The following FAM135B variants were observed in gnomAD, a reference collection of about 807,000 sequenced individuals.
FAM135B encodes the protein family with sequence similarity 135 member B, also known as protein FAM135B.
In FAM135B, 43 loss-of-function variants were observed where a neutral mutation model predicts 127.7. The ratio of observed to expected loss-of-function variants is 0.34; its 90% CI spans 0.26 to 0.43. The LOEUF (loss-of-function observed/expected upper bound fraction) is 0.43, where lower values mean the gene tolerates loss of function less well. Among genes scored for constraint, FAM135B ranks in the 20% least tolerant of loss-of-function variants. The probability of loss-of-function intolerance (pLI) is 1.00; values close to 1 mark genes in which losing one functional copy is unlikely to be tolerated. For missense variants in FAM135B, 1,558 were observed against 1,725.6 expected, an observed-to-expected ratio of 0.90 and a Z score of 1.72; for synonymous variants, 670 against 665.1, an observed-to-expected ratio of 1.01 and a Z score of -0.11.
chr8:138,293,397 AG>A (rs1173045748), intron 3 of FAM135B, among the ~76,000 whole-genome samples: 1 of 152,214 alleles, frequency 6.6e-6, no homozygotes, highest in African/African-American at 2.4e-5. Context: ...AAAGATAAAT[AG>A]ATGAGTCCTA....
Position 138,152,337 on chromosome 8 carries a change from A to G in FAM135B, c.2138T>C (p.Val713Ala). The part of the protein sequence containing the change: ...RALELPSDRE[V>A]LHPFVRRHAL... ...ATGTCTTCGAACAAACGGGTGCAAG[A>G]CTTCCCGATCACTGGGCAACTCCAG... is the stretch of plus-strand genomic sequence containing the variant. Residue 713 changes from valine to alanine, a missense_variant, in exon 13 of 20, where the codon GTC becomes GCC. By Grantham distance (64) the Val-to-Ala change is moderately conservative. Coordinates refer to ENST00000395297, the MANE Select transcript of FAM135B (RefSeq NM_015912.4). The G allele has an allele frequency of 6.2e-7, 1 of 1,614,040 alleles. No homozygotes were observed. Among genetic ancestry groups the G allele is most frequent in the Non-Finnish European group, 8.5e-7 (1 of 1,180,000 alleles).
chr8:138,324,461 G>C (rs575171502), intron 2 of FAM135B, among the ~76,000 whole-genome samples: 1 of 152,236 alleles, frequency 6.6e-6, no homozygotes, highest in South Asian at 2.1e-4. Context: ...AATCTTAAAA[G>C]TCCAAACAAA....
chr8:138,427,106 C>A (rs540764812), intron 1 of FAM135B, among the ~76,000 whole-genome samples: 1 of 151,884 alleles, frequency 6.6e-6, no homozygotes, highest in Non-Finnish European at 1.5e-5. Flanking sequence ...CAAAACTAAC[C>A]TATGGTGTTA....
At chr8:138,437,148 C>G (rs926753201) in intron 1 of FAM135B, 7 of 152,110 alleles carry the variant, frequency 4.6e-5, no homozygotes, top group Non-Finnish European at 8.8e-5. Context: ...TTATATTCCT[C>G]AGGGGTTTAG....
chr8:138,484,861 T>C (rs189149685), intron 1 of FAM135B, among the ~76,000 whole-genome samples: 28 of 152,330 alleles, frequency 1.8e-4, no homozygotes, highest in Non-Finnish European at 2.9e-4. Context: ...CCAAGCTTGA[T>C]GAATTCTACC....
At chr8:138,299,060 A>AAATT in intron 3 of FAM135B, among the ~76,000 whole-genome samples, 1 of 136,160 alleles carries the variant, frequency 7.3e-6, no homozygotes, top group African/African-American at 2.7e-5. Flanking sequence ...ATTCAGTCTC[A>AAATT]AAATAAATAA....
chr8:138,228,631 C>T (rs557568842), intron 7 of FAM135B, among the ~76,000 whole-genome samples: 8 of 152,194 alleles, frequency 5.3e-5, no homozygotes, highest in African/African-American at 1.4e-4. Flanking sequence ...TCCCCTGAGC[C>T]GGCTTACTGG....
chr8:138,327,924 G>C (rs1827917032), intron 2 of FAM135B, among the ~76,000 whole-genome samples: 1 of 152,088 alleles, frequency 6.6e-6, no homozygotes, highest in Non-Finnish European at 1.5e-5. Context: ...ATATGAGAGA[G>C]ACTTCATATT....
intron 2 of FAM135B, among the ~76,000 whole-genome samples, chr8:138,353,755 A>T (rs1053940958): frequency 6.7e-6 from 1 of 150,110 alleles, no homozygotes; most frequent in Non-Finnish European, 1.5e-5. Context: ...TACAGTAAAA[A>T]CTCCTGGCAC....
At chr8:138,407,078 T>C (rs1029594737) in intron 1 of FAM135B, among the ~76,000 whole-genome samples, 1 of 151,350 alleles carries the variant, frequency 6.6e-6, no homozygotes, top group Non-Finnish European at 1.5e-5. Flanking sequence ...ACAAAATCAA[T>C]GTACAAAAAT....
intron 12 of FAM135B, among the ~76,000 whole-genome samples, chr8:138,160,529 C>T (rs1047286301): frequency 6.6e-6 from 1 of 151,344 alleles, no homozygotes; most frequent in African/African-American, 2.4e-5. Context: ...GCTGGGATTA[C>T]AGGCACATGC....
chr8:138,446,502 A>C (rs898163585), intron 1 of FAM135B, among the ~76,000 whole-genome samples: 2 of 152,234 alleles, frequency 1.3e-5, no homozygotes, highest in African/African-American at 2.4e-5. Context: ...GTAACACTGC[A>C]TACCTACAAC....
At position 138,242,985 on chromosome 8, in the gene FAM135B, T is replaced by C; in HGVS notation, c.626A>G (p.Asn209Ser). The C allele has an allele frequency of 6.2e-7, 1 of 1,613,884 alleles. No homozygotes were observed. Among genetic ancestry groups the C allele is most frequent in the Non-Finnish European group, 8.5e-7 (1 of 1,179,890 alleles). The change falls in exon 7 of 20, where the codon AAC becomes AGC. Residue 209 changes from asparagine (N) to serine (S), a missense_variant. Asn to Ser is a conservative substitution (Grantham distance 46, BLOSUM62 1). This residue lies in a region of FAM135B where 127 missense variants were observed against 109.7 expected (regional missense o/e 1.16). Coordinates refer to ENST00000395297, the MANE Select transcript of FAM135B (RefSeq NM_015912.4). This position sits in a 1 kb window ranked among gnomAD's most constrained non-coding sequence, Gnocchi z 9.6. ...GCAGTACCCAGCTCCAAAGACCAAG[T>C]TTTCCAGAGAAATGATAGACTGTTC... ...GQEQSIISLE[N>S]LVFGAGYCKP... is the part of the protein sequence containing the mutation.
intron 7 of FAM135B, 129 bp from the exon 8 acceptor site, chr8:138,197,798 C>A: frequency 1.0e-6 from 1 of 961,886 alleles, no homozygotes; most frequent in Non-Finnish European, 1.5e-6. Context: ...GGAAGCAGAC[C>A]CCATCCTGAG....
At chr8:138,353,568 T>A (rs1031975989) in intron 2 of FAM135B, among the ~76,000 whole-genome samples, 3 of 152,168 alleles carry the variant, frequency 2.0e-5, no homozygotes, top group African/African-American at 7.2e-5. Context: ...AATTTTCTCT[T>A]TAGAGTCTGG....
At chr8:138,220,657 T>G (rs1032557078) in intron 7 of FAM135B, among the ~76,000 whole-genome samples, 1 of 151,980 alleles carries the variant, frequency 6.6e-6, no homozygotes, top group Non-Finnish European at 1.5e-5. Flanking sequence ...GGGATGGTAA[T>G]GATGCTAGTG....
chr8:138,354,996 G>A (rs1409628480), intron 2 of FAM135B, among the ~76,000 whole-genome samples: 1 of 152,052 alleles, frequency 6.6e-6, no homozygotes, highest in African/African-American at 2.4e-5. Context: ...ATCTCCTAAT[G>A]CTATCCCTCC....
chr8:138,339,030 T>C (rs1374392847), intron 2 of FAM135B, among the ~76,000 whole-genome samples: 4 of 149,460 alleles, frequency 2.7e-5, no homozygotes, highest in Non-Finnish European at 5.9e-5. Context: ...AAACACCGCA[T>C]GTTCTCACTC....
chr8:138,477,529 G>C (rs1814548757), intron 1 of FAM135B: 1 of 152,100 alleles, frequency 6.6e-6, no homozygotes, highest in African/African-American at 2.4e-5. Flanking sequence ...TGGCTACAAG[G>C]TCATGGTAAC....
Sources: allele counts gnomAD v4.1 joint callset (sites outside exome capture counted in the v4.1 genomes callset), GRCh38; gene constraint gnomAD v4.1.1; regional missense constraint gnomAD v4.1.1; non-coding constraint Gnocchi (gnomAD v3.1); transcripts MANE v1.5; gene names NCBI Gene and HGNC (gene_info 2026-07-23, HGNC 2026-07-21).